The following PCYT2 variants were observed in gnomAD, a reference collection of about 807,000 sequenced individuals.
The protein encoded by PCYT2 is ethanolamine-phosphate cytidylyltransferase.
PCYT2 carries 33 observed loss-of-function variants against 50.0 expected under a neutral mutation model. That is an observed-to-expected ratio of 0.66 (90% CI 0.50 to 0.88). PCYT2 has a LOEUF of 0.88. Ranked by LOEUF, PCYT2 falls within the 40% of genes least tolerant of loss-of-function variation. The pLI, the probability that PCYT2 is intolerant of heterozygous loss-of-function variation, is 0.00. For synonymous variants in PCYT2, 240 were observed against 203.7 expected, an observed-to-expected ratio of 1.18 and a Z score of -1.52; for missense variants, 430 against 519.7, an observed-to-expected ratio of 0.83 and a Z score of 1.68.
rs758181890 is a variant in PCYT2 at position 81,904,788 on chromosome 17, C to T, written c.*45G>A. On this transcript the variant is annotated 3_prime_UTR_variant, in exon 13 of 13. Coordinates refer to ENST00000538936, the MANE Select transcript of PCYT2 (RefSeq NM_002861.5). Reference sequence around the variant, plus strand: ...GAGTCCTATGTCCAAACGCAGAAGGCGCAGAAGCAGAGCAGGGGGAGGGCC... The same window carrying T: ...GAGTCCTATGTCCAAACGCAGAAGGTGCAGAAGCAGAGCAGGGGGAGGGCC... 1.6e-5 allele frequency: 21 copies of T among 1,333,352 alleles called. No homozygotes were observed. The highest frequency in any genetic ancestry group is 4.3e-5 in the African/African-American group (3 of 69,254). The allele number at this position is 1,333,352 out of a possible 1,614,324, so 82.6% of individuals were successfully genotyped here. A position where few individuals can be genotyped will look rare whatever the true frequency, so the allele number is the denominator to read the frequency against.
At position 81,908,548 on chromosome 17, in the gene PCYT2, G is replaced by C; in HGVS notation, c.407+20C>G. ...CCGTGTCCAGCTCCCTGGATGGCCA[G>C]GCCCGCGGTGGAGACTCACCTGTAC... On this transcript the variant is annotated intron_variant, in intron 4 of 12. Coordinates refer to ENST00000538936, the MANE Select transcript of PCYT2 (RefSeq NM_002861.5). The C allele has an allele frequency of 1.9e-6, 3 of 1,602,426 alleles. No individual in the cohort carries two copies. Among genetic ancestry groups the C allele is most frequent in the Non-Finnish European group, 2.6e-6 (3 of 1,170,122 alleles).
intron 4 of PCYT2, 75 bp downstream of exon 4, chr17:81,908,493 A>G (rs2040401160): frequency 6.8e-6 from 8 of 1,176,746 alleles, no homozygotes; most frequent in Non-Finnish European, 1.0e-5. Context: ...GGCTCCCGGT[A>G]AATAGCAAAG....
Position 81,911,279 on chromosome 17 carries a change from C to A in PCYT2, c.77G>T (p.Trp26Leu). The A allele has an allele frequency of 8.9e-7, 1 of 1,128,476 alleles. No homozygotes were observed. The highest frequency in any genetic ancestry group is 2.3e-5 in the South Asian group (1 of 44,372). The allele number at this position is 1,128,476 out of a possible 1,614,324, so 69.9% of individuals were successfully genotyped here. The change falls in exon 1 of 13, where the codon TGG (tryptophan) becomes TTG (leucine). Residue 26 changes from tryptophan (W) to leucine (L), a missense_variant. Trp to Leu is a moderately conservative substitution (Grantham distance 61, BLOSUM62 -2). Transcript: ENST00000538936. ...GPGGRRAVRVWCDGCYDMVHY... is the reference protein window; with the variant it reads ...GPGGRRAVRVLCDGCYDMVHY... The stretch of plus-strand genomic sequence containing the variant: ...GCCCCGCGCTCACCAGCCATCGCAC[C>A]ACACCCTCACGGCGCGCCTGCCCCC...
Position 81,907,818 on chromosome 17 carries a change from G to A in PCYT2, c.447C>T (p.Leu149=), listed in dbSNP as rs1449968359. ...TGGTTACCAGCAGCATGCGGCCCAC[G>A]AGGTCTGTGGTGGACACCCCTTGCG... ...KRTQGVSTTD[L]VGRMLLVTKA... Residue 149 remains leucine, a synonymous_variant, in exon 5 of 13, where the codon CTC becomes CTT. Coordinates refer to ENST00000538936, the MANE Select transcript of PCYT2 (RefSeq NM_002861.5). The A allele has an allele frequency of 8.7e-6, 14 of 1,613,126 alleles. No homozygotes were observed. The highest frequency in any genetic ancestry group is 6.7e-5 in the East Asian group (3 of 44,890).
At chr17:81,906,045 G>A (rs2040245064) in intron 9 of PCYT2, 55 bp downstream of exon 9, 1 of 1,483,544 alleles carries the variant, frequency 6.7e-7, no homozygotes. Flanking sequence ...CTTAGTAGGG[G>A]GGATGTTGTG....
Position 81,904,408 on chromosome 17 carries a change from T to C in PCYT2, c.*425A>G, listed in dbSNP as rs1052451151. ...GTGTTGGGGGGTGCCCAGTGGGAGGTGGTGTGGTCTACACCCAGAGAACTA... is the reference window on the plus strand; with the variant it reads ...GTGTTGGGGGGTGCCCAGTGGGAGGCGGTGTGGTCTACACCCAGAGAACTA... On this transcript the variant is annotated 3_prime_UTR_variant, in exon 13 of 13. Coordinates refer to ENST00000538936, the MANE Select transcript of PCYT2 (RefSeq NM_002861.5). 1 of 164,622 alleles carries C rather than the reference T, an allele frequency of 6.1e-6. No individual in the cohort carries two copies. Among genetic ancestry groups the C allele is most frequent in the Non-Finnish European group, 1.3e-5 (1 of 76,582 alleles). The allele number at this position is 164,622 out of a possible 1,614,324, so 10.2% of individuals were successfully genotyped here. A position where few individuals can be genotyped will look rare whatever the true frequency, so the allele number is the denominator to read the frequency against.
rs757086663 is a variant in PCYT2 at position 81,906,545 on chromosome 17, G to C, written c.678C>G (p.His226Gln). The part of the protein sequence containing the change: ...IYVAGAFDLF[H>Q]IGHVDFLEKV... The stretch of plus-strand genomic sequence containing the variant: ...TCTCCAGGAAGTCCACATGCCCGAT[G>C]TCTGCACCCAGGTTAAGAAGCAGTC... Residue 226 changes from histidine to glutamine, a missense_variant and splice_region_variant, in exon 8 of 13, where the codon CAC becomes CAG. By Grantham distance (24) the His-to-Gln change is conservative (BLOSUM62 0). Around this residue, in one of 4 missense-constraint regions of PCYT2, gnomAD observed 248 missense variants for 300.2 expected, o/e 0.83. Coordinates refer to ENST00000538936, the MANE Select transcript of PCYT2 (RefSeq NM_002861.5). The C allele has an allele frequency of 6.2e-7, 1 of 1,613,342 alleles. No homozygotes were observed. Among genetic ancestry groups the C allele is most frequent in the Non-Finnish European group, 8.5e-7 (1 of 1,179,842 alleles).
chr17:81,903,512 A>G lies in PCYT2; in HGVS notation c.*1321T>C, dbSNP rs989280757. 1.4e-4 allele frequency: 22 copies of G among 152,410 alleles called. No individual in the cohort carries two copies. The highest frequency in any genetic ancestry group is 5.1e-4 in the African/African-American group (21 of 41,452). The allele number at this position is 152,410 out of a possible 1,614,324, so 9.4% of individuals were successfully genotyped here. A position where few individuals can be genotyped will look rare whatever the true frequency, so the allele number is the denominator to read the frequency against. On this transcript the variant is annotated 3_prime_UTR_variant, in exon 13 of 13. Transcript: ENST00000538936. ...CCCAGGCAGCCCCTGTCCAGCACCA[A>G]TCTGTCTATGGGGAACTGGCTGGTC...
At chr17:81,911,145 G>C (rs1225944473) in intron 1 of PCYT2, 122 bp downstream of exon 1, 2 of 1,001,794 alleles carry the variant, frequency 2.0e-6, no homozygotes, top group Non-Finnish European at 1.2e-6. Flanking sequence ...GCCAGCCCCG[G>C]CCCATGCCGG....
Position 81,902,408 on chromosome 17 carries a change from T to C in PCYT2, c.*2425A>G. 1.5e-6 allele frequency: 2 copies of C among 1,347,452 alleles called. No homozygotes were observed. Among genetic ancestry groups the C allele is most frequent in the South Asian group, 3.7e-5 (2 of 53,452 alleles). The allele number at this position is 1,347,452 out of a possible 1,614,324, so 83.5% of individuals were successfully genotyped here. The stretch of plus-strand genomic sequence containing the variant: ...TCGGTGGGCCGCGCCGCGGGGCTGC[T>C]GTCCGGCCTCCGCAGGTCCCCGTAC... On this transcript the variant is annotated 3_prime_UTR_variant, in exon 13 of 13. Coordinates refer to ENST00000538936, the MANE Select transcript of PCYT2 (RefSeq NM_002861.5).
Position 81,905,456 on chromosome 17 carries a change from G to C in PCYT2, c.904-9C>G. ...TGACACACCAGGTCCACCTGGAGAA[G>C]GAGTGGGGTCAGGAGCCCTCCCCGG... On this transcript the variant is annotated splice_polypyrimidine_tract_variant and intron_variant, in intron 10 of 12. Transcript: ENST00000538936. 6.4e-7 allele frequency: 1 copy of C among 1,564,542 alleles called. No homozygotes were observed. The highest frequency in any genetic ancestry group is 2.4e-5 in the East Asian group (1 of 41,754).
rs1470977462 is a variant in PCYT2 at position 81,902,721 on chromosome 17, G to A, written c.*2112C>T. On this transcript the variant is annotated 3_prime_UTR_variant, in exon 13 of 13. Coordinates refer to ENST00000538936, the MANE Select transcript of PCYT2 (RefSeq NM_002861.5). The stretch of plus-strand genomic sequence containing the variant: ...GCAAGGCGAACGTCTTCCTGTCCCT[G>A]CGCGCAGCCGACTGCCTCGCCGCCT... 1 of 1,608,070 alleles carries A rather than the reference G, an allele frequency of 6.2e-7. No individual in the cohort carries two copies. Among genetic ancestry groups the A allele is most frequent in the African/African-American group, 1.3e-5 (1 of 74,556 alleles).
chr17:81,911,161 G>T (rs2040582828), intron 1 of PCYT2, 106 bp downstream of exon 1: 6 of 1,006,070 alleles, frequency 6.0e-6, no homozygotes, highest in African/African-American at 1.7e-5. Context: ...GCCGGACGAG[G>T]ACGCCACCCA....
In PCYT2 at chr17:81,909,603, C is replaced by G; in HGVS notation, c.90-1G>C. The G allele has an allele frequency of 6.2e-7, 1 of 1,612,816 alleles. No individual in the cohort carries two copies. Among genetic ancestry groups the G allele is most frequent in the Non-Finnish European group, 8.5e-7 (1 of 1,178,986 alleles). ...GTGGCCGTAATGCACCATGTCATAG[C>G]TGTGGAGACAGAGAGAGTGGGTGGT... On this transcript the variant is annotated splice_acceptor_variant, in intron 1 of 12. Transcript: ENST00000538936. LOFTEE classifies it high-confidence loss of function.
rs1041199226 is a variant in PCYT2, at chr17:81,901,808, C to G, written c.*3025G>C. 6.5e-6 allele frequency: 1 copy of G among 153,042 alleles called. No homozygotes were observed. Among genetic ancestry groups the G allele is most frequent in the African/African-American group, 2.4e-5 (1 of 41,510 alleles). The allele number at this position is 153,042 out of a possible 1,614,324, so 9.5% of individuals were successfully genotyped here. ...GGGCATGAAAGAAATGAGGGCCCCA[C>G]AAGCCACATGGACTCTGATGCCTGG... On this transcript the variant is annotated 3_prime_UTR_variant, in exon 13 of 13. Coordinates refer to ENST00000538936, the MANE Select transcript of PCYT2 (RefSeq NM_002861.5).
intron 3 of PCYT2, 99 bp from the exon 4 acceptor site, chr17:81,908,733 C>T (rs555756420): frequency 1.4e-5 from 19 of 1,321,216 alleles, no homozygotes; most frequent in East Asian, 1.2e-4. Flanking sequence ...CTAGTGTCCG[C>T]GTGCCCATTT....
intron 1 of PCYT2, among the ~76,000 whole-genome samples, chr17:81,910,420 C>T (rs1019056217): frequency 1.1e-4 from 17 of 152,266 alleles, no homozygotes; most frequent in African/African-American, 4.1e-4. Flanking sequence ...CCCAGCACCC[C>T]TGCCACAGTG....
Position 81,906,521 on chromosome 17 carries a change from C to T in PCYT2, c.702G>A (p.Glu234=), listed in dbSNP as rs1449101821. Residue 234 remains glutamate (E), a synonymous_variant, in exon 8 of 13, where the codon GAG becomes GAA. Transcript: ENST00000538936. ...LFHIGHVDFL[E]KVHRLAERPY... ...GCCTCTCTGCCAGCCTGTGCACCTTCTCCAGGAAGTCCACATGCCCGATGT... is the reference window on the plus strand; with the variant it reads ...GCCTCTCTGCCAGCCTGTGCACCTTTTCCAGGAAGTCCACATGCCCGATGT... 3 of 1,613,570 alleles carry T rather than the reference C, an allele frequency of 1.9e-6. No individual in the cohort carries two copies. The highest frequency in any genetic ancestry group is 3.3e-5 in the Admixed American group (2 of 60,018).
rs1238832574 is a variant in PCYT2, at chr17:81,911,344, G to A, written c.12C>T (p.Asn4=). 2.8e-6 allele frequency: 3 copies of A among 1,086,740 alleles called. No homozygotes were observed. Among genetic ancestry groups the A allele is most frequent in the Non-Finnish European group, 3.4e-6 (3 of 891,268 alleles). 67.3% of individuals were successfully genotyped at this position (1,086,740 alleles called of 1,614,324 possible). The change falls in exon 1 of 13, where the codon AAC becomes AAT. Residue 4 remains asparagine, a synonymous_variant. Transcript: ENST00000538936. The stretch of plus-strand genomic sequence containing the variant: ...CTGCGCCGCCTGCAGCCCCGCGCCC[G>A]TTCCGGATCATGGCCCCGCAGCGGC... The part of the protein sequence containing the change: MIR[N]GRGAAGGAEQ...
Sources: allele counts gnomAD v4.1 joint callset (sites outside exome capture counted in the v4.1 genomes callset), GRCh38; gene constraint gnomAD v4.1.1; regional missense constraint gnomAD v4.1.1; transcripts MANE v1.5; gene names NCBI Gene and HGNC (gene_info 2026-07-23, HGNC 2026-07-21).